The following DNAH3 variants were observed in gnomAD, a reference collection of about 807,000 sequenced individuals.
DNAH3 encodes the protein axonemal beta dynein heavy chain 3.
Under a neutral mutation model 432.5 loss-of-function variants are expected in DNAH3, and 332 were observed. The ratio of observed to expected loss-of-function variants is 0.77; its 90% CI spans 0.70 to 0.84. DNAH3 has a LOEUF of 0.84. Ranked by LOEUF, DNAH3 falls within the 40% of genes least tolerant of loss-of-function variation. The pLI, the probability that DNAH3 is intolerant of heterozygous loss-of-function variation, is 0.00. For synonymous variants in DNAH3, 1,956 were observed against 1,900.2 expected (o/e 1.03, Z -0.76); for missense variants, 4,861 against 5,114.0 (o/e 0.95, Z 1.51).
chr16:21,060,722 TCA>T (rs1450320692), intron 25 of DNAH3, among the ~76,000 whole-genome samples: 2 of 151,478 alleles, frequency 1.3e-5, no homozygotes, highest in Non-Finnish European at 2.9e-5. Flanking sequence ...AGACGGGGTT[TCA>T]CCATGTTGGC....
At chr16:21,123,821 GCT>G (rs1460938420) in intron 9 of DNAH3, among the ~76,000 whole-genome samples, 1 of 151,370 alleles carries the variant, frequency 6.6e-6, no homozygotes, top group Non-Finnish European at 1.5e-5. Context: ...ACAGAGTCTC[GCT>G]CTGTCACCCA....
chr16:21,028,123 A>T (rs2152720659), intron 37 of DNAH3, among the ~76,000 whole-genome samples: 1 of 152,258 alleles, frequency 6.6e-6, no homozygotes, highest in South Asian at 2.1e-4. Flanking sequence ...AGTAGCTAGG[A>T]TTACAGGTGT....
At chr16:21,015,222 T>TA (rs1242934712) in intron 41 of DNAH3, among the ~76,000 whole-genome samples, 1 of 152,122 alleles carries the variant, frequency 6.6e-6, no homozygotes, top group Non-Finnish European at 1.5e-5. Flanking sequence ...TATTAAGTGA[T>TA]AAAGAAGCAA....
At chr16:20,937,840 C>T (rs1000034165) in intron 59 of DNAH3, among the ~76,000 whole-genome samples, 2 of 151,988 alleles carry the variant, frequency 1.3e-5, no homozygotes, top group Non-Finnish European at 2.9e-5. Flanking sequence ...CCTTTTTTAT[C>T]GACTATAAGG....
At chr16:21,046,632 T>A (rs1161662252) in intron 31 of DNAH3, among the ~76,000 whole-genome samples, 1 of 152,230 alleles carries the variant, frequency 6.6e-6, no homozygotes, top group East Asian at 1.9e-4. Flanking sequence ...TTTATCCAAT[T>A]TTCCAGTCTG....
At chr16:20,935,553 G>A (rs2083556330) in intron 60 of DNAH3, 68 bp from the exon 61 acceptor site, 1 of 1,529,786 alleles carries the variant, frequency 6.5e-7, no homozygotes. Flanking sequence ...TGCAAGTAAT[G>A]TAACGAGTAC....
intron 31 of DNAH3, 94 bp from the exon 32 acceptor site, chr16:21,042,297 C>G (rs2089479411): frequency 2.2e-6 from 3 of 1,339,092 alleles, no homozygotes; most frequent in Non-Finnish European, 3.0e-6. Context: ...AAGAAAGAAC[C>G]CAATCACCCA....
At chr16:20,963,138 G>A (rs372360493) in intron 53 of DNAH3, 146 bp downstream of exon 53, 19 of 740,762 alleles carry the variant, frequency 2.6e-5, no homozygotes, top group Admixed American at 5.8e-5. Flanking sequence ...AGAAAAGGAC[G>A]AGTTCCGTGG....
intron 46 of DNAH3, 117 bp downstream of exon 46, chr16:20,987,576 C>A: frequency 6.6e-7 from 1 of 1,526,092 alleles, no homozygotes; most frequent in Non-Finnish European, 8.9e-7. Context: ...ATGCTTAGCA[C>A]AATGCCTAGC....
chr16:20,952,222 T>G (rs988624386), intron 56 of DNAH3, among the ~76,000 whole-genome samples: 1 of 152,180 alleles, frequency 6.6e-6, no homozygotes, highest in African/African-American at 2.4e-5. Flanking sequence ...TTGGAGACTG[T>G]GAGTCACTCA....
exon 14 of DNAH3, chr16:21,111,735 A>C (rs957046797): frequency 1.2e-6 from 2 of 1,614,036 alleles, no homozygotes; most frequent in Admixed American, 3.3e-5. Flanking sequence ...TCAAGGCAGA[A>C]CATGGCTAAA....
chr16:21,020,313 T>G (rs982658262), intron 40 of DNAH3, among the ~76,000 whole-genome samples: 1 of 132,614 alleles, frequency 7.5e-6, no homozygotes, highest in African/African-American at 3.0e-5. Flanking sequence ...TGAGCAATAT[T>G]TTTATTTTTA....
chr16:21,004,374 T>C (rs533480778), intron 41 of DNAH3, among the ~76,000 whole-genome samples: 3 of 152,236 alleles, frequency 2.0e-5, no homozygotes, highest in East Asian at 1.9e-4. Context: ...CTTTTTCTTT[T>C]TTCTTTTTTT....
In DNAH3 at chr16:21,121,924, ATGATT is replaced by A. The variant is rs1352720782; in HGVS notation, c.1584+16_1584+20del. The A allele has an allele frequency of 3.8e-6, 6 of 1,568,190 alleles. No individual in the cohort carries two copies. The highest frequency in any genetic ancestry group is 5.2e-6 in the Non-Finnish European group (6 of 1,157,132). ...CTAAGTGAAAAAATCATGCAAATGA[ATGATT>A]AAGTGACTACTATACCTTGGGGATC... On this transcript the variant is annotated intron_variant, in intron 10 of 61. Coordinates refer to ENST00000261383, the Ensembl canonical transcript of DNAH3.
intron 49 of DNAH3, among the ~76,000 whole-genome samples, chr16:20,980,171 ATAT>A (rs1329960377): frequency 8.9e-5 from 11 of 123,566 alleles, no homozygotes; most frequent in African/African-American, 2.7e-4. Context: ...AGAAAAAAAA[ATAT>A]ATATATATAT....
chr16:21,127,565 A>C, intron 8 of DNAH3, 122 bp downstream of exon 9: 3 of 1,265,872 alleles, frequency 2.4e-6, no homozygotes, highest in East Asian at 2.4e-5. Flanking sequence ...TGTCTCAAAA[A>C]AAAAAAAGAC....
chr16:21,099,495 C>G (rs1353380712), intron 16 of DNAH3, among the ~76,000 whole-genome samples: 1 of 152,172 alleles, frequency 6.6e-6, no homozygotes, highest in Non-Finnish European at 1.5e-5. Context: ...ATCAACAAAG[C>G]AGGTCTCAAT....
intron 44 of DNAH3, 35 bp from the exon 45 acceptor site, chr16:20,988,100 A>G: frequency 6.2e-7 from 1 of 1,611,850 alleles, no homozygotes; most frequent in Non-Finnish European, 8.5e-7. Flanking sequence ...ATCATCCTGG[A>G]AAACACATAT....
chr16:21,019,440 G>T, intron 41 of DNAH3, 184 bp downstream of exon 41: 1 of 720,784 alleles, frequency 1.4e-6, no homozygotes, highest in Non-Finnish European at 2.2e-6. Context: ...GATTACCAGT[G>T]TGAGACACCA....
Sources: gnomAD v4.1 joint callset for allele counts (sites outside exome capture counted in the v4.1 genomes callset) on GRCh38, gnomAD v4.1.1 for gene constraint, MANE v1.5 for transcripts, NCBI Gene and HGNC (gene_info 2026-07-23, HGNC 2026-07-21) for gene names.